DOCK1: variants seen among roughly 807,000 people sequenced by gnomAD.
DOCK1 encodes the protein dedicator of cytokinesis 1.
Under a neutral mutation model 262.7 loss-of-function variants are expected in DOCK1, and 138 were observed. That is an observed-to-expected ratio of 0.53 (90% CI 0.46 to 0.61). DOCK1 has a LOEUF of 0.61. Among genes scored for constraint, DOCK1 ranks in the 20% least tolerant of loss-of-function variants. The pLI is 0.00. For synonymous variants in DOCK1, 866 were observed against 867.4 expected, an observed-to-expected ratio of 1.00 and a Z score of 0.03; for missense variants, 1,908 against 2,370.7, an observed-to-expected ratio of 0.80 and a Z score of 4.05.
Position 127,012,212 on chromosome 10 carries a change from G to C in DOCK1, c.1059-20G>C, listed in dbSNP as rs770519549. ...GTGCCCCTTTGTCTCCTGTGGTCTT[G>C]GTCGTCCCGTGCCCTCCAGGCTCGC... On this transcript the variant is annotated intron_variant, in intron 11 of 51. Coordinates refer to ENST00000623213, the MANE Select transcript of DOCK1 (RefSeq NM_001290223.2). This position sits in a 1 kb window ranked among gnomAD's most constrained non-coding sequence, Gnocchi z 4.0. 3 of 1,368,038 alleles carry C rather than the reference G, an allele frequency of 2.2e-6. No individual in the cohort carries two copies. The highest frequency in any genetic ancestry group is 3.1e-6 in the Non-Finnish European group (3 of 957,232). 84.7% of individuals were successfully genotyped at this position (1,368,038 alleles called of 1,614,324 possible). A position where few individuals can be genotyped will look rare whatever the true frequency, so the allele number is the denominator to read the frequency against.
At chr10:127,443,996 A>G in intron 49 of DOCK1, 130 bp from the exon 50 acceptor site, 1 of 1,221,082 alleles carries the variant, frequency 8.2e-7, no homozygotes, top group South Asian at 1.5e-5. Context: ...TCATTTGCAA[A>G]GACCCTATTT....
chr10:127,299,769 G>A (rs1322617650), intron 29 of DOCK1, among the ~76,000 whole-genome samples: 2 of 152,118 alleles, frequency 1.3e-5, no homozygotes, highest in South Asian at 2.1e-4. Flanking sequence ...CTAGACCTAC[G>A]TACTTTGGAG....
At chr10:127,096,120 T>C (rs948349005) in intron 23 of DOCK1, among the ~76,000 whole-genome samples, 2 of 152,220 alleles carry the variant, frequency 1.3e-5, no homozygotes, top group African/African-American at 4.8e-5. Context: ...TTTAATAAGA[T>C]ATAAGGGATT....
intron 21 of DOCK1, among the ~76,000 whole-genome samples, chr10:127,046,987 C>T (rs760461458): frequency 3.9e-5 from 6 of 152,046 alleles, no homozygotes; most frequent in African/African-American, 4.8e-5. Context: ...TAAAAAGCCT[C>T]AGTGAATTTT....
Position 127,159,075 on chromosome 10 carries a change from A to G in DOCK1, c.2847+31311A>G, listed in dbSNP as rs530276568. Among the ~76,000 whole-genome samples the G allele has an allele frequency of 2.6e-5, 4 of 152,256 alleles. No individual in the cohort carries two copies. The East Asian group carries it at 7.7e-4, about 29-fold the overall frequency. On this transcript the variant is annotated intron_variant, in intron 27 of 51. Transcript: ENST00000623213. ...GCCTGGACATGAACTGTTAATAGGG[A>G]AGCTATAAGAACATAGACTCTGCGA...
chr10:126,926,508 A>T (rs186896819), intron 1 of DOCK1, among the ~76,000 whole-genome samples: 11 of 152,362 alleles, frequency 7.2e-5, no homozygotes, highest in Middle Eastern at 3.4e-3. Flanking sequence ...CTTAATAAAC[A>T]TTCTATGCCA....
intron 27 of DOCK1, among the ~76,000 whole-genome samples, chr10:127,246,646 T>C (rs1408286196): frequency 1.3e-5 from 2 of 152,258 alleles, no homozygotes; most frequent in Admixed American, 6.5e-5. Context: ...GAAGATATCA[T>C]ATCATCATTA....
chr10:127,425,644 G>T (rs1029849629), intron 46 of DOCK1, among the ~76,000 whole-genome samples: 1 of 152,188 alleles, frequency 6.6e-6, no homozygotes, highest in Non-Finnish European at 1.5e-5. Flanking sequence ...TAACTGAGTA[G>T]CCGTGGTGTA....
rs532149298 is a variant in DOCK1, at chr10:127,451,192, C to T, written c.5566-140C>T. The T allele has an allele frequency of 1.8e-4, 168 of 918,616 alleles. 4 individuals are homozygous for T. The South Asian group carries it at 2.4e-3, about 13-fold the overall frequency. 56.9% of individuals were successfully genotyped at this position (918,616 alleles called of 1,614,324 possible). A position where few individuals can be genotyped will look rare whatever the true frequency, so the allele number is the denominator to read the frequency against. On this transcript the variant is annotated intron_variant, in intron 51 of 51. Coordinates refer to ENST00000623213, the MANE Select transcript of DOCK1 (RefSeq NM_001290223.2). ...CCTAGTAGACCTGCCAGCCCCAAGT[C>T]GGACAGGATGGAGCCCAACTCATGT... is the stretch of plus-strand genomic sequence containing the variant.
At chr10:127,238,211 T>C (rs923892028) in intron 27 of DOCK1, among the ~76,000 whole-genome samples, 14 of 152,194 alleles carry the variant, frequency 9.2e-5, no homozygotes, top group Non-Finnish European at 1.9e-4. Context: ...CCATTTGTCT[T>C]GTCAAATGCT....
chr10:127,284,982 T>TA (rs1226385452), intron 29 of DOCK1, among the ~76,000 whole-genome samples: 2 of 151,964 alleles, frequency 1.3e-5, no homozygotes, highest in Non-Finnish European at 2.9e-5. Context: ...AAAAAAAATT[T>TA]AAAAATTAGC....
At chr10:127,332,347 C>G (rs2063021698) in intron 29 of DOCK1, among the ~76,000 whole-genome samples, 1 of 152,120 alleles carries the variant, frequency 6.6e-6, no homozygotes, top group Non-Finnish European at 1.5e-5. Context: ...GAGGCTTAAG[C>G]TTTTATTGAT....
chr10:127,145,384 G>A (rs1211067556), intron 27 of DOCK1, among the ~76,000 whole-genome samples: 3 of 152,206 alleles, frequency 2.0e-5, no homozygotes, highest in African/African-American at 2.4e-5. Context: ...CCAGGAAGAC[G>A]AGTCATGATA....
intron 30 of DOCK1, among the ~76,000 whole-genome samples, chr10:127,339,911 A>G (rs2063360233): frequency 6.6e-6 from 1 of 152,226 alleles, no homozygotes; most frequent in African/African-American, 2.4e-5. Context: ...ATGCAGATAC[A>G]AATGGCATGT....
intron 27 of DOCK1, among the ~76,000 whole-genome samples, chr10:127,191,197 T>C (rs1471752250): frequency 6.6e-6 from 1 of 152,122 alleles, no homozygotes; most frequent in Non-Finnish European, 1.5e-5. Context: ...GGGGCATCAC[T>C]CTCTGCCTGT....
chr10:127,451,181 C>A, intron 51 of DOCK1, 151 bp from the exon 52 acceptor site: 1 of 833,102 alleles, frequency 1.2e-6, no homozygotes, highest in Non-Finnish European at 1.9e-6. Context: ...GTAGACCTGC[C>A]AGCCCCAAGT....
intron 1 of DOCK1, among the ~76,000 whole-genome samples, chr10:126,919,681 G>A (rs144038200): frequency 1.3e-5 from 2 of 152,288 alleles, no homozygotes; most frequent in African/African-American, 4.8e-5. Flanking sequence ...CCCAACCCAG[G>A]CTGGATGACC....
At chr10:127,284,521 T>TA (rs2061077421) in intron 29 of DOCK1, among the ~76,000 whole-genome samples, 1 of 152,240 alleles carries the variant, frequency 6.6e-6, no homozygotes, top group South Asian at 2.1e-4. Context: ...CTTCATAGTT[T>TA]AAAAGTGGTT....
chr10:127,009,188 AC>A (rs2041246936), intron 11 of DOCK1, among the ~76,000 whole-genome samples: 1 of 152,214 alleles, frequency 6.6e-6, no homozygotes, highest in African/African-American at 2.4e-5. Flanking sequence ...AAATAAAAAA[AC>A]AAACAATTAT....
Sources: allele counts gnomAD v4.1 joint callset (sites outside exome capture counted in the v4.1 genomes callset), GRCh38; gene constraint gnomAD v4.1.1; non-coding constraint Gnocchi (gnomAD v3.1); transcripts MANE v1.5; gene names NCBI Gene and HGNC (gene_info 2026-07-23, HGNC 2026-07-21).